The following SCOC variants were observed in gnomAD, a reference collection of about 807,000 sequenced individuals.
SCOC encodes the protein short coiled coil protein.
SCOC carries 7 observed loss-of-function variants against 9.9 expected under a neutral mutation model. That is an observed-to-expected ratio of 0.71 (90% CI 0.40 to 1.33). The LOEUF (loss-of-function observed/expected upper bound fraction) is 1.33, where lower values mean the gene tolerates loss of function less well. SCOC is among the 40% of genes most tolerant of loss of function. The pLI is 0.01. For synonymous variants in SCOC, 19 were observed against 28.2 expected (o/e 0.67, Z 1.03); for missense variants, 66 against 89.7 (o/e 0.74, Z 1.07).
At chr4:140,270,010 C>CA (rs1167743805) in intron 1 of SCOC, among the ~76,000 whole-genome samples, 1 of 152,142 alleles carries the variant, frequency 6.6e-6, no homozygotes, top group East Asian at 1.9e-4. Flanking sequence ...CTTGGTCTCC[C>CA]AAAGTTCTGG....
chr4:140,362,304 T>TCCTCTTCCTCTTCCTCTTCCTC (rs1415210513), intron 2 of SCOC, among the ~76,000 whole-genome samples: 3 of 55,144 alleles, frequency 5.4e-5, no homozygotes, highest in South Asian at 5.0e-4. Flanking sequence ...TTCTTCTTTT[T>TCCTCTTCCTCTTCCTCTTCCTC]TTTTTTTTTT....
intron 2 of SCOC, among the ~76,000 whole-genome samples, chr4:140,347,943 A>G (rs1726810374): frequency 6.6e-6 from 1 of 151,932 alleles, no homozygotes; most frequent in Non-Finnish European, 1.5e-5. Context: ...ATTTCTCACC[A>G]TTTTCCTTAG....
chr4:140,337,339 A>C (rs1422834436), intron 1 of SCOC, among the ~76,000 whole-genome samples: 1 of 152,194 alleles, frequency 6.6e-6, no homozygotes, highest in Non-Finnish European at 1.5e-5. Context: ...CAAATTCATA[A>C]GGAACTGCAA....
chr4:140,378,348 A>T (rs756207655), intron 1 of SCOC, among the ~76,000 whole-genome samples: 7 of 151,796 alleles, frequency 4.6e-5, no homozygotes, highest in Non-Finnish European at 8.8e-5. Context: ...GCATTTTTTC[A>T]TTTTCATGTT....
At chr4:140,349,539 T>C (rs1477195220) in intron 2 of SCOC, among the ~76,000 whole-genome samples, 3 of 152,110 alleles carry the variant, frequency 2.0e-5, no homozygotes, top group Non-Finnish European at 4.4e-5. Context: ...CCTAGATATC[T>C]CCCAGGTGTC....
chr4:140,307,572 C>A (rs1732028837), intron 1 of SCOC, among the ~76,000 whole-genome samples: 1 of 152,190 alleles, frequency 6.6e-6, no homozygotes, highest in South Asian at 2.1e-4. Context: ...CCTTTCCTTA[C>A]AAAGATCCTC....
intron 1 of SCOC, among the ~76,000 whole-genome samples, chr4:140,282,151 TA>T (rs113559651): frequency 2.6e-5 from 4 of 152,204 alleles, no homozygotes; most frequent in African/African-American, 9.7e-5. Context: ...ATTCTAGTCT[TA>T]GGTTTGAACA....
At chr4:140,259,445 T>C (rs1303315796) in intron 1 of SCOC, among the ~76,000 whole-genome samples, 1 of 152,240 alleles carries the variant, frequency 6.6e-6, no homozygotes, top group African/African-American at 2.4e-5. Flanking sequence ...ACAGTTGCCA[T>C]TGGATTAATC....
chr4:140,334,974 C>T (rs1341346287), intron 1 of SCOC, among the ~76,000 whole-genome samples: 1 of 152,092 alleles, frequency 6.6e-6, no homozygotes, highest in Non-Finnish European at 1.5e-5. Context: ...GGAAATCTTG[C>T]AATATGCAAC....
At chr4:140,263,524 A>C (rs1430056016) in intron 1 of SCOC, among the ~76,000 whole-genome samples, 1 of 152,146 alleles carries the variant, frequency 6.6e-6, no homozygotes, top group Admixed American at 6.5e-5. Flanking sequence ...CCTTTGTTTG[A>C]GATGACACCG....
rs1190114877 is a variant in SCOC, at chr4:140,381,162, TG to T, written c.*60del. The T allele has an allele frequency of 4.6e-6, 7 of 1,515,166 alleles. No homozygotes were observed. In the African/African-American group the frequency reaches 1.0e-4, roughly 22 times the overall value. The allele number at this position is 1,515,166 out of a possible 1,614,324, so 93.9% of individuals were successfully genotyped here. A position where few individuals can be genotyped will look rare whatever the true frequency, so the allele number is the denominator to read the frequency against. ...TGCTGATCATTTTTTCTTTAAAACT[TG>T]GATAGATTCCAAAAGTTACAGTACC... is the stretch of plus-strand genomic sequence containing the variant. On this transcript the variant is annotated 3_prime_UTR_variant, in exon 4 of 4. Coordinates refer to ENST00000608372, the MANE Select transcript of SCOC (RefSeq NM_001153484.2).
chr4:140,294,485 G>A (rs972770013), intron 1 of SCOC, among the ~76,000 whole-genome samples: 1 of 152,096 alleles, frequency 6.6e-6, no homozygotes, highest in South Asian at 2.1e-4. Context: ...GAAAAAATGG[G>A]CCCTAGAGAG....
intron 1 of SCOC, among the ~76,000 whole-genome samples, chr4:140,274,902 G>A (rs577256871): frequency 4.0e-5 from 6 of 151,802 alleles, no homozygotes; most frequent in African/African-American, 1.5e-4. Flanking sequence ...TTCCTTTTTT[G>A]TTAAATCCAT....
intron 1 of SCOC, among the ~76,000 whole-genome samples, chr4:140,262,628 A>G (rs989850709): frequency 1.3e-5 from 2 of 152,134 alleles, no homozygotes; most frequent in Admixed American, 6.6e-5. Flanking sequence ...GCTATGAGAG[A>G]ACGTATTAGT....
upstream of SCOC, chr4:140,373,520 G>A: frequency 1.9e-6 from 3 of 1,551,702 alleles, no homozygotes; most frequent in Non-Finnish European, 2.6e-6. Context: ...GGACGACTGG[G>A]GTGAGGCGGG....
intron 1 of SCOC, among the ~76,000 whole-genome samples, chr4:140,329,713 TA>T (rs1732753975): frequency 6.6e-6 from 1 of 152,140 alleles, no homozygotes; most frequent in African/African-American, 2.4e-5. Flanking sequence ...TCAATATCAC[TA>T]ATTATCAGGG....
rs545444153 is a variant in SCOC, at chr4:140,277,316, G to C, written c.-19+19906G>C. Among the ~76,000 whole-genome samples the C allele has an allele frequency of 3.0e-4, 46 of 152,142 alleles. 1 individual carries two copies. In the South Asian group the frequency reaches 8.3e-3, roughly 28 times the overall value. ...ACCCCCCTCCCCACTGTATGAGTTGGGGGGGGCAGGGGGTAGGGGAGCTGT... is the reference window on the plus strand; with the variant it reads ...ACCCCCCTCCCCACTGTATGAGTTGCGGGGGGCAGGGGGTAGGGGAGCTGT... On this transcript the variant is annotated intron_variant, in intron 1 of 4. Transcript: ENST00000394205.
chr4:140,272,825 G>A (rs189938673), intron 1 of SCOC, among the ~76,000 whole-genome samples: 2 of 152,278 alleles, frequency 1.3e-5, no homozygotes, highest in Admixed American at 1.3e-4. Flanking sequence ...AGGAAGGCGG[G>A]GAGGGGAAGG....
chr4:140,377,222 C>CA (rs1488804091), intron 1 of SCOC, among the ~76,000 whole-genome samples: 4 of 152,142 alleles, frequency 2.6e-5, no homozygotes, highest in Admixed American at 2.6e-4. Flanking sequence ...AATGTCAAAT[C>CA]AAGTTTTCAC....
Sources: gnomAD v4.1 joint callset for allele counts (sites outside exome capture counted in the v4.1 genomes callset) on GRCh38, gnomAD v4.1.1 for gene constraint, MANE v1.5 for transcripts, NCBI Gene and HGNC (gene_info 2026-07-23, HGNC 2026-07-21) for gene names.